Variants in NPHP4 observed in about 807,000 individuals in gnomAD.
NPHP4 encodes nephrocystin-4.
NPHP4 carries 151 observed loss-of-function variants against 155.8 expected under a neutral mutation model. The ratio of observed to expected loss-of-function variants is 0.97; its 90% confidence interval spans 0.85 to 1.11. The LOEUF is 1.11. Ranked by LOEUF, NPHP4 falls within the 50% of genes least tolerant of loss-of-function variation. NPHP4 has a pLI of 0.00. For synonymous variants in NPHP4, 845 were observed against 816.8 expected (o/e 1.03, Z -0.59); for missense variants, 1,956 against 1,925.7 (o/e 1.02, Z -0.29).
chr1:5,872,426 G>A (rs1338090613), intron 23 of NPHP4, among the ~76,000 whole-genome samples: 1 of 152,202 alleles, frequency 6.6e-6, no homozygotes, highest in Non-Finnish European at 1.5e-5. Flanking sequence ...GGACGCGATG[G>A]CTGGGACTTC....
chr1:5,866,453 G>T lies in NPHP4; in HGVS notation c.3564C>A (p.Pro1188=), dbSNP rs528547815. 26 of 1,587,178 alleles carry T rather than the reference G, an allele frequency of 1.6e-5. 1 individual carries two copies. In the Admixed American group the frequency reaches 3.0e-4, roughly 18 times the overall value. ...NVICETQNVG[P]GEPRDIFLKV... ...TCAGAAATATGTCCCGTGGTTCCCC[G>T]GGGCCCTGCCAACCAGATGTGCAGC... Residue 1188 remains proline, a synonymous_variant, in exon 26 of 30, where the codon CCC becomes CCA. Coordinates refer to ENST00000378156, the MANE Select transcript of NPHP4 (RefSeq NM_015102.5).
intron 3 of NPHP4, among the ~76,000 whole-genome samples, chr1:5,974,443 A>G (rs1653157696): frequency 6.6e-6 from 1 of 152,214 alleles, no homozygotes; most frequent in Non-Finnish European, 1.5e-5. Context: ...TCCAAGGGAA[A>G]AGTATGTCCA....
intron 10 of NPHP4, 121 bp downstream of exon 10, chr1:5,933,026 G>A: frequency 1.3e-6 from 1 of 748,392 alleles, no homozygotes; most frequent in African/African-American, 1.8e-5. Flanking sequence ...GCATACCCAT[G>A]ACATGAAAAA....
At chr1:5,868,377 G>A (rs556381525) in intron 23 of NPHP4, 18 of 251,710 alleles carry the variant, frequency 7.2e-5, no homozygotes, top group Admixed American at 6.7e-4. Flanking sequence ...TAAACCAAAG[G>A]GGTTAGAAAT....
At chr1:5,937,636 C>T (rs779822143) in intron 9 of NPHP4, among the ~76,000 whole-genome samples, 14 of 152,122 alleles carry the variant, frequency 9.2e-5, no homozygotes, top group East Asian at 1.9e-4. Context: ...GTGGGGTCCC[C>T]GCCAAGCAGC....
intron 3 of NPHP4, among the ~76,000 whole-genome samples, chr1:5,971,629 C>T (rs1652585800): frequency 6.6e-6 from 1 of 152,196 alleles, no homozygotes; most frequent in South Asian, 2.1e-4. Flanking sequence ...AAGTCATATT[C>T]GACCAGGTCA....
At chr1:5,985,318 A>G (rs777377803) in intron 2 of NPHP4, among the ~76,000 whole-genome samples, 6 of 152,262 alleles carry the variant, frequency 3.9e-5, no homozygotes, top group Non-Finnish European at 5.9e-5. Flanking sequence ...TCACGAGGAC[A>G]ATCCAATCGT....
intron 17 of NPHP4, chr1:5,888,295 G>A (rs937665293): frequency 2.0e-6 from 2 of 976,670 alleles, no homozygotes; most frequent in South Asian, 4.7e-5. Context: ...CGGCCTCACG[G>A]CTGTGCCCCA....
intron 2 of NPHP4, among the ~76,000 whole-genome samples, chr1:5,984,332 A>C (rs529321948): frequency 6.6e-6 from 1 of 152,242 alleles, no homozygotes; most frequent in South Asian, 2.1e-4. Context: ...CAGGAGTTTG[A>C]AACCAGCCTG....
chr1:5,899,537 A>T (rs559361640), intron 16 of NPHP4, among the ~76,000 whole-genome samples: 1 of 152,378 alleles, frequency 6.6e-6, no homozygotes, highest in African/African-American at 2.4e-5. Flanking sequence ...ATCCTGTTCC[A>T]GAGCCCCTTC....
At chr1:5,948,913 C>T (rs575983841) in intron 7 of NPHP4, among the ~76,000 whole-genome samples, 2 of 152,268 alleles carry the variant, frequency 1.3e-5, no homozygotes, top group South Asian at 4.1e-4. Flanking sequence ...ATTCCCCTGG[C>T]TATTAGTGTT....
At chr1:5,951,295 G>A (rs1647979658) in intron 7 of NPHP4, among the ~76,000 whole-genome samples, 1 of 152,228 alleles carries the variant, frequency 6.6e-6, no homozygotes, top group Non-Finnish European at 1.5e-5. Context: ...GACTCATCAC[G>A]AAAAGGGTGT....
At chr1:5,983,550 C>T (rs1488378329) in intron 2 of NPHP4, among the ~76,000 whole-genome samples, 2 of 152,212 alleles carry the variant, frequency 1.3e-5, no homozygotes, top group Admixed American at 6.5e-5. Context: ...CTCTTGGAAG[C>T]TTGTACCCTC....
chr1:5,863,024 C>T lies in NPHP4; in HGVS notation c.*241G>A, dbSNP rs1293429275. On this transcript the variant is annotated 3_prime_UTR_variant, in exon 30 of 30. Transcript: ENST00000378156. Reference sequence around the variant, plus strand: ...GATGGCAGCACCAGAGCCAGACCCACCACCACGGAGTTCGCGCTCACGGAA... The same window carrying T: ...GATGGCAGCACCAGAGCCAGACCCATCACCACGGAGTTCGCGCTCACGGAA... 7.1e-6 allele frequency: 4 copies of T among 565,522 alleles called. No individual in the cohort carries two copies. Among genetic ancestry groups the T allele is most frequent in the Admixed American group, 6.0e-5 (2 of 33,146 alleles). 35.0% of individuals were successfully genotyped at this position (565,522 alleles called of 1,614,324 possible). A position where few individuals can be genotyped will look rare whatever the true frequency, so the allele number is the denominator to read the frequency against.
chr1:5,894,118 C>T (rs1432261195), intron 16 of NPHP4, among the ~76,000 whole-genome samples: 1 of 152,200 alleles, frequency 6.6e-6, no homozygotes, highest in Non-Finnish European at 1.5e-5. Context: ...TATACTGGAA[C>T]AGCTCATGTC....
chr1:5,962,821 C>T (rs543250680), intron 5 of NPHP4, among the ~76,000 whole-genome samples: 40 of 152,236 alleles, frequency 2.6e-4, no homozygotes, highest in Non-Finnish European at 5.3e-4. Context: ...GTAGAAGGAA[C>T]AGCATTCCCA....
intron 5 of NPHP4, among the ~76,000 whole-genome samples, chr1:5,965,028 G>A (rs1382475027): frequency 6.9e-6 from 1 of 144,400 alleles, no homozygotes; most frequent in Non-Finnish European, 1.5e-5. Flanking sequence ...AAAACTCCTG[G>A]GCTCAGCAAT....
chr1:5,923,595 G>A (rs1177334491), intron 11 of NPHP4, among the ~76,000 whole-genome samples: 31 of 152,224 alleles, frequency 2.0e-4, no homozygotes, highest in Admixed American at 2.0e-3. Context: ...AGGGCAGGCA[G>A]ACATAGCGCT....
chr1:5,870,238 G>A (rs1240618623), intron 23 of NPHP4, among the ~76,000 whole-genome samples: 1 of 152,196 alleles, frequency 6.6e-6, no homozygotes, highest in Admixed American at 6.5e-5. Context: ...AGGAGGACAG[G>A]GGTGAATCAA....
Sources: allele counts gnomAD v4.1 joint callset (sites outside exome capture counted in the v4.1 genomes callset), GRCh38; gene constraint gnomAD v4.1.1; transcripts MANE v1.5; gene names NCBI Gene and HGNC (gene_info 2026-07-23, HGNC 2026-07-21).